NUP155: variants seen among roughly 807,000 people sequenced by gnomAD.
NUP155 encodes nucleoporin 155.
A neutral mutation model predicts 180.4 loss-of-function variants in NUP155; 71 were observed. That is an observed-to-expected ratio of 0.39 (90% CI 0.33 to 0.48). The LOEUF (loss-of-function observed/expected upper bound fraction) is 0.48. Among genes scored for constraint, NUP155 ranks in the 20% least tolerant of loss-of-function variants. The probability of loss-of-function intolerance (pLI) is 0.91; values close to 1 mark genes in which losing one functional copy is unlikely to be tolerated. For missense variants in NUP155, 1,553 were observed against 1,648.9 expected, an observed-to-expected ratio of 0.94 and a Z score of 1.01; for synonymous variants, 582 against 559.5, an observed-to-expected ratio of 1.04 and a Z score of -0.57.
chr5:37,322,082 G>A (rs987488428), intron 20 of NUP155, among the ~76,000 whole-genome samples: 9 of 151,836 alleles, frequency 5.9e-5, no homozygotes, highest in African/African-American at 2.2e-4. Flanking sequence ...TTGAAATCCC[G>A]ACCTCAGGTG....
Position 37,304,786 on chromosome 5 carries a change from G to A in NUP155, c.3115C>T (p.Leu1039Phe). ...TCGACTTGTATTAGCCAATTATAAAGGGCAATACTAAAGAGCTCATCCTTG... is the reference window on the plus strand; with the variant it reads ...TCGACTTGTATTAGCCAATTATAAAAGGCAATACTAAAGAGCTCATCCTTG... ...RSKDELFSIA[L>F]YNWLIQVDLA... The change falls in exon 27 of 35, where the codon CTT (leucine) becomes TTT (phenylalanine). Residue 1039 changes from leucine to phenylalanine, a missense_variant. By Grantham distance (22) the Leu-to-Phe change is conservative. Transcript: ENST00000231498. The A allele has an allele frequency of 6.2e-7, 1 of 1,613,838 alleles. No individual in the cohort carries two copies. Among genetic ancestry groups the A allele is most frequent in the Non-Finnish European group, 8.5e-7 (1 of 1,179,848 alleles).
At chr5:37,357,425 AAG>A (rs1746904225) in intron 4 of NUP155, among the ~76,000 whole-genome samples, 1 of 150,658 alleles carries the variant, frequency 6.6e-6, no homozygotes, top group Non-Finnish European at 1.5e-5. Flanking sequence ...AAAAAAAAAA[AAG>A]AGAAAGACAG....
chr5:37,348,599 G>A lies in NUP155; in HGVS notation c.904-3C>T, dbSNP rs753105716. 1.2e-5 allele frequency: 19 copies of A among 1,569,110 alleles called. 1 individual carries two copies. The East Asian group carries it at 3.4e-4, about 28-fold the overall frequency. ...CCATCTTGTCCCAAATCATACACCT[G>A]TGAATACAAAATCATTCTCACTTAA... On this transcript the variant is annotated splice_polypyrimidine_tract_variant and splice_region_variant and intron_variant, in intron 8 of 34. Coordinates refer to ENST00000231498, the MANE Select transcript of NUP155 (RefSeq NM_153485.3).
At chr5:37,310,422 T>G in intron 23 of NUP155, 130 bp downstream of exon 23, 31 of 647,524 alleles carry the variant, frequency 4.8e-5, no homozygotes, top group East Asian at 1.9e-4. Context: ...CTTTCTTAGA[T>G]GAGGATTCTG....
intron 32 of NUP155, among the ~76,000 whole-genome samples, chr5:37,296,226 G>A (rs1742559470): frequency 1.3e-5 from 2 of 152,228 alleles, no homozygotes; most frequent in South Asian, 4.1e-4. Context: ...CAGTTTTGTG[G>A]AATAGAAAGG....
intron 21 of NUP155, among the ~76,000 whole-genome samples, chr5:37,316,457 G>A (rs1743892215): frequency 6.6e-6 from 1 of 152,078 alleles, no homozygotes; most frequent in Admixed American, 6.6e-5. Flanking sequence ...TGGGTACAGA[G>A]TGACTTTTGG....
chr5:37,349,852 G>GT (rs1746346443), intron 7 of NUP155, among the ~76,000 whole-genome samples: 1 of 152,074 alleles, frequency 6.6e-6, no homozygotes, highest in African/African-American at 2.4e-5. Context: ...AGCAAACAAT[G>GT]TATTAGCTGT....
At chr5:37,365,717 A>G (rs1747523746) in intron 1 of NUP155, among the ~76,000 whole-genome samples, 1 of 34,642 alleles carries the variant, frequency 2.9e-5, no homozygotes, top group African/African-American at 1.1e-4. Context: ...CGGGGAGAAA[A>G]AAAAAAAAAA....
chr5:37,347,120 C>T (rs543527951), intron 9 of NUP155, among the ~76,000 whole-genome samples: 6 of 152,060 alleles, frequency 3.9e-5, no homozygotes, highest in Admixed American at 2.0e-4. Context: ...CCTAGCCGCT[C>T]GGGAGGCTTA....
chr5:37,351,340 A>T lies in NUP155; in HGVS notation c.573T>A (p.Asn191Lys), dbSNP rs200258496. The change falls in exon 6 of 35, where the codon AAT (asparagine) becomes AAA (lysine). Residue 191 changes from asparagine to lysine, a missense_variant. Physicochemically the swap from Asn to Lys is moderately conservative, Grantham distance 94. Coordinates refer to ENST00000231498, the MANE Select transcript of NUP155 (RefSeq NM_153485.3). The stretch of plus-strand genomic sequence containing the variant: ...ACTGCATTCCACCAGACAAACTATC[A>T]TTAAGAACTCCAGAACCTATTTAAG... ...ANLQTGSGVLNDSLSGGMQLL... is the reference protein window; with the variant it reads ...ANLQTGSGVLKDSLSGGMQLL... The T allele has an allele frequency of 6.0e-5, 97 of 1,611,936 alleles. No homozygotes were observed. The highest frequency in any genetic ancestry group is 8.3e-5 in the Admixed American group (5 of 59,982).
chr5:37,310,739 A>G lies in NUP155; in HGVS notation c.2441T>C (p.Leu814Pro). 1 of 1,612,050 alleles carries G rather than the reference A, an allele frequency of 6.2e-7. No individual in the cohort carries two copies. The highest frequency in any genetic ancestry group is 8.5e-7 in the Non-Finnish European group (1 of 1,178,680). Residue 814 changes from leucine to proline, a missense_variant, in exon 23 of 35, where the codon CTT (leucine) becomes CCT (proline). Transcript: ENST00000231498. ...GGTGGTGATCTTCAGCTGCTCTTGA[A>G]GTTCCTAGGAGCATAAAACTTTTCT... ...TIIVAELQKELQEQLKITTFK... is the reference protein window; with the variant it reads ...TIIVAELQKEPQEQLKITTFK...
rs1414289818 is a variant in NUP155 at position 37,349,251 on chromosome 5, A to C, written c.830-6T>G. 3.7e-6 allele frequency: 3 copies of C among 812,214 alleles called. No individual in the cohort carries two copies. Among genetic ancestry groups the C allele is most frequent in the Non-Finnish European group, 5.8e-6 (3 of 520,996 alleles). The allele number at this position is 812,214 out of a possible 1,614,324, so 50.3% of individuals were successfully genotyped here. A position where few individuals can be genotyped will look rare whatever the true frequency, so the allele number is the denominator to read the frequency against. ...TGCAATTTGAAGAATAGGATCTAAA[A>C]GTAAGACAAAAAAAAAAAAGAGAAA... On this transcript the variant is annotated splice_polypyrimidine_tract_variant and splice_region_variant and intron_variant, in intron 7 of 34. Coordinates refer to ENST00000231498, the MANE Select transcript of NUP155 (RefSeq NM_153485.3).
intron 32 of NUP155, among the ~76,000 whole-genome samples, chr5:37,298,235 CT>C (rs1396935906): frequency 7.1e-6 from 1 of 140,998 alleles, no homozygotes; most frequent in Non-Finnish European, 1.5e-5. Flanking sequence ...AAGCCTCTGT[CT>C]CAAAAAAAAA....
intron 3 of NUP155, among the ~76,000 whole-genome samples, chr5:37,361,285 A>AAAAAAAAAAG (rs397997410): frequency 1.4e-5 from 2 of 141,468 alleles, no homozygotes; most frequent in African/African-American, 6.1e-5. Flanking sequence ...AAAAAAAAAA[A>AAAAAAAAAAG]GACAATGGCT....
At chr5:37,297,840 A>G (rs1433800408) in intron 32 of NUP155, among the ~76,000 whole-genome samples, 1 of 152,080 alleles carries the variant, frequency 6.6e-6, no homozygotes, top group Admixed American at 6.5e-5. Flanking sequence ...TACAAAAGTA[A>G]GGGTATGAAT....
chr5:37,293,947 C>T (rs1006152896), intron 33 of NUP155, among the ~76,000 whole-genome samples: 2 of 75,550 alleles, frequency 2.6e-5, no homozygotes, highest in Non-Finnish European at 4.2e-5. Flanking sequence ...TGCAGTGAGC[C>T]GAGATTGCGC....
chr5:37,294,005 C>CAAAAAAGAAAAAAA (rs1742374562), intron 33 of NUP155, among the ~76,000 whole-genome samples: 1 of 37,282 alleles, frequency 2.7e-5, no homozygotes, highest in Non-Finnish European at 3.7e-5. Context: ...GACGCCGTCT[C>CAAAAAAGAAAAAAA]AAAAAAAAAA....
rs1742951054 is a variant in NUP155, at chr5:37,303,036, CATTAG to C, written c.3318-133_3318-129del. On this transcript the variant is annotated intron_variant, in intron 28 of 34. Transcript: ENST00000231498. ...AGCCATCTGAAACTTGAAAAAAAAT[CATTAG>C]ATTTAAAAAAAAATCTATTTTAGAT... 10 of 1,147,710 alleles carry C rather than the reference CATTAG, an allele frequency of 8.7e-6. No individual in the cohort carries two copies. The South Asian group carries it at 1.4e-4, about 16-fold the overall frequency. The allele number at this position is 1,147,710 out of a possible 1,614,324, so 71.1% of individuals were successfully genotyped here.
In NUP155 at chr5:37,301,553, A is replaced by T; in HGVS notation, c.3448-3T>A. 6.4e-7 allele frequency: 1 copy of T among 1,552,498 alleles called. No individual in the cohort carries two copies. The highest frequency in any genetic ancestry group is 1.4e-5 in the African/African-American group (1 of 73,808). On this transcript the variant is annotated splice_polypyrimidine_tract_variant and splice_region_variant and intron_variant, in intron 29 of 34. Coordinates refer to ENST00000231498, the MANE Select transcript of NUP155 (RefSeq NM_153485.3). ...ATCTGAAGTTGGATCCTAGCAACCT[A>T]GTTTGGGCAGAAAACAGGATGTCTT... is the stretch of plus-strand genomic sequence containing the variant.
Sources: allele counts gnomAD v4.1 joint callset (sites outside exome capture counted in the v4.1 genomes callset), GRCh38; gene constraint gnomAD v4.1.1; transcripts MANE v1.5; gene names NCBI Gene and HGNC (gene_info 2026-07-23, HGNC 2026-07-21).